The following TTN variants were observed in gnomAD, a reference collection of about 807,000 sequenced individuals.
TTN encodes the protein titin, also known as connectin.
A neutral mutation model predicts 3,223.0 loss-of-function variants in TTN; 1,525 were observed. The ratio of observed to expected loss-of-function variants is 0.47; its 90% CI spans 0.45 to 0.49. The LOEUF (loss-of-function observed/expected upper bound fraction) is 0.49, where lower values mean the gene tolerates loss of function less well. TTN is among the 20% of genes least tolerant of loss of function. The probability of loss-of-function intolerance (pLI) is 0.00; values close to 1 mark genes in which losing one functional copy is unlikely to be tolerated. For missense variants in TTN, 40,786 were observed against 43,424.0 expected (o/e 0.94, Z 5.40); for synonymous variants, 14,094 against 15,161.0 (o/e 0.93, Z 5.17).
chr2:178,642,373 A>C, intron 218 of TTN, 56 bp from the exon 219 acceptor site: 1 of 1,479,830 alleles, frequency 6.8e-7, no homozygotes, highest in Non-Finnish European at 9.2e-7. Context: ...ACGGAATTTC[A>C]ACAAGAAAAA....
At chr2:178,617,721 G>T in intron 253 of TTN, 58 bp downstream of exon 253, 2 of 1,561,318 alleles carry the variant, frequency 1.3e-6, no homozygotes, top group South Asian at 2.4e-5. Context: ...TATTTTAATT[G>T]ATAGGCCTAA....
At position 178,712,200 on chromosome 2, in the gene TTN, C is replaced by A; in HGVS notation, c.27630G>T (p.Gln9210His). The A allele has an allele frequency of 4.3e-6, 7 of 1,613,378 alleles. No individual in the cohort carries two copies. Among genetic ancestry groups the A allele is most frequent in the Non-Finnish European group, 5.9e-6 (7 of 1,179,510 alleles). ...LILEPPYFVKQLEPVKVSVGD... is the reference protein window; with the variant it reads ...LILEPPYFVKHLEPVKVSVGD... ...CAACAGACACCTTAACCGGCTCCAACTGCTTGACAAAATACGGTGGTTCTG... is the reference window on the plus strand; with the variant it reads ...CAACAGACACCTTAACCGGCTCCAAATGCTTGACAAAATACGGTGGTTCTG... The change falls in exon 96 of 363, where the codon CAG becomes CAT. Residue 9210 changes from glutamine (Q) to histidine (H), a missense_variant. Coordinates refer to ENST00000589042, the MANE Select transcript of TTN (RefSeq NM_001267550.2).
At chr2:178,756,200 T>C (rs1309675627) in intron 46 of TTN, 22 bp downstream of exon 46, 1 of 1,549,306 alleles carries the variant, frequency 6.5e-7, no homozygotes, top group South Asian at 1.2e-5. Flanking sequence ...ATGAAGCAAG[T>C]CATAGCTAAA....
At chr2:178,782,139 G>A in intron 20 of TTN, 73 bp downstream of exon 20, 1 of 1,570,042 alleles carries the variant, frequency 6.4e-7, no homozygotes, top group South Asian at 1.1e-5. Flanking sequence ...GGTGGGGTGA[G>A]TAAATTCTAC....
chr2:178,561,482 G>A lies in TTN; in HGVS notation c.84650C>T (p.Ser28217Phe), dbSNP rs888839405. ...ILIADTQMKV[S>F]GLDEGLMYEY... ...ATACATCAGTCCTTCATCAAGGCCG[G>A]AGACTTTCATTTGAGTATCAGCAAT... Residue 28217 changes from serine (S) to phenylalanine (F), a missense_variant, in exon 326 of 363, where the codon TCC becomes TTC. Transcript: ENST00000589042. The A allele has an allele frequency of 1.2e-6, 2 of 1,613,594 alleles. No individual in the cohort carries two copies. Among genetic ancestry groups the A allele is most frequent in the African/African-American group, 2.7e-5 (2 of 74,902 alleles).
chr2:178,786,094 T>G lies in TTN; in HGVS notation c.2124A>C (p.Ala708=), dbSNP rs2093157485. 1.9e-6 allele frequency: 3 copies of G among 1,613,962 alleles called. No homozygotes were observed. ...GCTCTCTGACTCGGGCCTGGTCTAC[T>G]GCAGCAACAACTGTTGCTACAGCTT... ...KAEAVATVVA[A]VDQARVREPR... Residue 708 remains alanine (A), a synonymous_variant, in exon 14 of 363, where the codon GCA becomes GCC. Transcript: ENST00000589042.
rs72650023 is a variant in TTN at position 178,692,263 on chromosome 2, T to C, written c.31679-164A>G. On this transcript the variant is annotated intron_variant, in intron 120 of 362. Transcript: ENST00000589042. The stretch of plus-strand genomic sequence containing the variant: ...ATGAAAGCTAAATACCTCAACACCA[T>C]ATAGACATTACATACATTACACAAG... Among the ~76,000 whole-genome samples the C allele has an allele frequency of 4.7e-4, 71 of 152,224 alleles. 1 individual carries two copies. Among genetic ancestry groups the C allele is most frequent in the Non-Finnish European group, 8.1e-4 (55 of 68,002 alleles).
intron 162 of TTN, 78 bp from the exon 163 acceptor site, chr2:178,666,979 T>C: frequency 9.5e-7 from 1 of 1,047,944 alleles, no homozygotes; most frequent in East Asian, 2.7e-5. Flanking sequence ...AAGTTAGATA[T>C]GTTAATATCA....
intron 6 of TTN, among the ~76,000 whole-genome samples, chr2:178,795,876 G>A (rs1039462844): frequency 2.6e-5 from 4 of 152,164 alleles, no homozygotes; most frequent in African/African-American, 9.7e-5. Context: ...TGCTGCTTTA[G>A]CCGAAGTGTT....
rs1266861758 is a variant in TTN at position 178,664,458 on chromosome 2, A to T, written c.36280+2T>A. The T allele has an allele frequency of 1.2e-5, 19 of 1,608,108 alleles. No homozygotes were observed. Among genetic ancestry groups the T allele is most frequent in the Non-Finnish European group, 1.3e-5 (15 of 1,177,146 alleles). ...ACCATAAAAAGACAGTTAAGAATGT[A>T]CCTTTGACAGGTACAACTTCAGCCC... On this transcript the variant is annotated splice_donor_variant, in intron 168 of 362. Coordinates refer to ENST00000589042, the MANE Select transcript of TTN (RefSeq NM_001267550.2). LOFTEE classifies it high-confidence loss of function.
rs764687906 is a variant in TTN at position 178,536,115 on chromosome 2, C to T, written c.100632G>A (p.Arg33544=). Residue 33544 remains arginine, a synonymous_variant, in exon 357 of 363, where the codon AGG becomes AGA. Coordinates refer to ENST00000589042, the MANE Select transcript of TTN (RefSeq NM_001267550.2). ...KEIIADGLKY[R]IQEFKGGYHQ... Reference sequence around the variant, plus strand: ...GGTAGCCACCCTTAAATTCTTGAATCCTATATTTTAATCCATCTGCAATGA... The same window carrying T: ...GGTAGCCACCCTTAAATTCTTGAATTCTATATTTTAATCCATCTGCAATGA... 2 of 1,613,252 alleles carry T rather than the reference C, an allele frequency of 1.2e-6. No individual in the cohort carries two copies. The highest frequency in any genetic ancestry group is 1.7e-6 in the Non-Finnish European group (2 of 1,179,536).
chr2:178,669,738 G>T, intron 157 of TTN, 63 bp from the exon 158 acceptor site: 1 of 1,525,932 alleles, frequency 6.6e-7, no homozygotes, highest in Non-Finnish European at 9.0e-7. Flanking sequence ...AACATAGCAA[G>T]CCTAGAAGGG....
rs2154220888 is a variant in TTN at position 178,632,418 on chromosome 2, C to T, written c.43481-5G>A. The T allele has an allele frequency of 6.4e-7, 1 of 1,568,982 alleles. No individual in the cohort carries two copies. The highest frequency in any genetic ancestry group is 8.6e-7 in the Non-Finnish European group (1 of 1,163,352). ...TGAGGAATTTGAGCCGGATTCCTAT[C>T]AAGAAAAAAAAGAAAGAACTTATTA... On this transcript the variant is annotated splice_region_variant and splice_polypyrimidine_tract_variant and intron_variant, in intron 235 of 362. Coordinates refer to ENST00000589042, the MANE Select transcript of TTN (RefSeq NM_001267550.2).
At chr2:178,667,144 AGGTT>A (rs2066100148) in intron 162 of TTN, 88 bp downstream of exon 162, 2 of 1,143,110 alleles carry the variant, frequency 1.7e-6, no homozygotes, top group Admixed American at 4.9e-5. Context: ...TTAACATTAG[AGGTT>A]GTGAGAATGT....
Position 178,632,224 on chromosome 2 carries a change from T to G in TTN, c.43670A>C (p.Asp14557Ala). 6.2e-7 allele frequency: 1 copy of G among 1,607,624 alleles called. No homozygotes were observed. The change falls in exon 236 of 363, where the codon GAC becomes GCC. Residue 14557 changes from aspartate (D) to alanine (A), a missense_variant. Coordinates refer to ENST00000589042, the MANE Select transcript of TTN (RefSeq NM_001267550.2). ...EGKTHSITFKDLSIDDTSQIR... is the reference protein window; with the variant it reads ...EGKTHSITFKALSIDDTSQIR... ...TTGGGAGGTGTCATCAATAGACAGG[T>G]CTTTGAATGTGATCGAATGAGTTTT...
Position 178,634,702 on chromosome 2 carries a change from C to A in TTN, c.42151+21G>T. 6.2e-7 allele frequency: 1 copy of A among 1,612,572 alleles called. No homozygotes were observed. The highest frequency in any genetic ancestry group is 8.5e-7 in the Non-Finnish European group (1 of 1,179,314). On this transcript the variant is annotated intron_variant, in intron 229 of 362. Transcript: ENST00000589042. The surrounding 1 kb of genome is among the most constrained non-coding windows in gnomAD (Gnocchi z 4.6). ...GTGAAATAAAGTTGAGACCCCTCCC[C>A]AAATTCTAAAAGCCCCATACCTTTT...
At position 178,565,833 on chromosome 2, in the gene TTN, C is replaced by G; in HGVS notation, c.80299G>C (p.Val26767Leu). 6.2e-7 allele frequency: 1 copy of G among 1,613,630 alleles called. No homozygotes were observed. Among genetic ancestry groups the G allele is most frequent in the South Asian group, 1.1e-5 (1 of 91,082 alleles). The part of the protein sequence containing the change: ...VMAENEFGVG[V>L]PVETVDAVKA... ...ACGGCATCAACAGTTTCCACTGGAACACCAACTCCAAATTCATTTTCAGCC... is the reference window on the plus strand; with the variant it reads ...ACGGCATCAACAGTTTCCACTGGAAGACCAACTCCAAATTCATTTTCAGCC... The change falls in exon 326 of 363, where the codon GTT becomes CTT. Residue 26767 changes from valine (V) to leucine (L), a missense_variant. Physicochemically the swap from Val to Leu is conservative, Grantham distance 32. Coordinates refer to ENST00000589042, the MANE Select transcript of TTN (RefSeq NM_001267550.2).
intron 97 of TTN, 26 bp downstream of exon 97, chr2:178,711,036 A>G (rs759821510): frequency 6.4e-7 from 1 of 1,551,826 alleles, no homozygotes; most frequent in Non-Finnish European, 8.7e-7. Context: ...TTAATTCTAG[A>G]AATGAAAGTT....
chr2:178,802,403 T>A, intron 2 of TTN, 62 bp from the exon 3 acceptor site: 2 of 1,550,626 alleles, frequency 1.3e-6, no homozygotes, highest in Non-Finnish European at 1.8e-6. Flanking sequence ...CTCTGCTCTG[T>A]CCCATCATGT....
Sources: gnomAD v4.1 joint callset for allele counts (sites outside exome capture counted in the v4.1 genomes callset) on GRCh38, gnomAD v4.1.1 for gene constraint, Gnocchi (gnomAD v3.1) non-coding constraint, MANE v1.5 for transcripts, NCBI Gene and HGNC (gene_info 2026-07-23, HGNC 2026-07-21) for gene names.